MGAT5: variants seen among roughly 807,000 people sequenced by gnomAD.
MGAT5 encodes alpha-1,6-mannosylglycoprotein 6-beta-N-acetylglucosaminyltransferase.
A neutral mutation model predicts 94.3 loss-of-function variants in MGAT5; 30 were observed. The observed-to-expected ratio is 0.32, with a 90% CI of 0.24 to 0.43. The LOEUF (loss-of-function observed/expected upper bound fraction) is 0.43. MGAT5 is among the 20% of genes least tolerant of loss of function. The probability of loss-of-function intolerance (pLI) is 1.00; values close to 1 mark genes in which losing one functional copy is unlikely to be tolerated. For missense variants in MGAT5, 691 were observed against 905.5 expected (o/e 0.76, Z 3.04); for synonymous variants, 310 against 322.9 (o/e 0.96, Z 0.43).
Position 134,371,935 on chromosome 2 carries a change from T to C in MGAT5, c.1380+9527T>C, listed in dbSNP as rs561446546. 3.6e-5 allele frequency among the ~76,000 whole-genome samples: 5 copies of C among 138,170 alleles called. No individual in the cohort carries two copies. In the South Asian group the frequency reaches 1.1e-3, roughly 30 times the overall value. 90.6% of individuals were successfully genotyped at this position (138,170 alleles called of 152,430 possible). ...GAACCTAGGTCTGTGTTTGTTGTTT[T>C]GTTTTGTTTAAAAAAAAAAAAAAAA... On this transcript the variant is annotated intron_variant, in intron 10 of 15. Coordinates refer to ENST00000281923, the MANE Select transcript of MGAT5 (RefSeq NM_002410.5).
intron 2 of MGAT5, among the ~76,000 whole-genome samples, chr2:134,272,122 A>C (rs1684064688): frequency 6.6e-6 from 1 of 152,184 alleles, no homozygotes; most frequent in Non-Finnish European, 1.5e-5. Context: ...GCTCACAAGG[A>C]CTTTGCTACC....
At chr2:134,299,651 C>T (rs1685898597) in intron 2 of MGAT5, among the ~76,000 whole-genome samples, 1 of 152,062 alleles carries the variant, frequency 6.6e-6, no homozygotes, top group South Asian at 2.1e-4. Context: ...GAGCCCAAAC[C>T]CAGTATCTAA....
At position 134,189,605 on chromosome 2, in the gene MGAT5, T is replaced by TTGTTTTGTTTTGTTTTG. The variant is rs761974546; in HGVS notation, c.-142-64656_-142-64655insGTTTTGTTTTGTTTTGT. Among the ~76,000 whole-genome samples, 399 of 106,626 alleles carry TTGTTTTGTTTTGTTTTG rather than the reference T, an allele frequency of 3.7e-3. 12 individuals carry two copies. The highest frequency in any genetic ancestry group is 8.7e-3 in the Middle Eastern group (2 of 230). 70.0% of individuals were successfully genotyped at this position (106,626 alleles called of 152,430 possible). ...CTCATGGCTCTAGTTTTTTTTTGTT[T>TTGTTTTGTTTTGTTTTG]TTTTTTTTTTTTTTTAAGACAGAGT... On this transcript the variant is annotated intron_variant, in intron 1 of 16. Transcript: ENST00000409645.
At chr2:134,220,571 A>G (rs1680711497) in intron 1 of MGAT5, among the ~76,000 whole-genome samples, 2 of 152,182 alleles carry the variant, frequency 1.3e-5, no homozygotes, top group African/African-American at 4.8e-5. Context: ...TGCCCCATCT[A>G]CATTTGGTCT....
chr2:134,453,106 T>G lies in MGAT5; in HGVS notation c.*4259T>G, dbSNP rs1686188202. ...CCCTAGTAAATGTTAAATATTGTTA[T>G]TAGTGTTTCGTAAAACTTGAGAAAT... On this transcript the variant is annotated 3_prime_UTR_variant, in exon 16 of 16. Transcript: ENST00000281923. 6.6e-6 allele frequency: 1 copy of G among 152,262 alleles called. No individual in the cohort carries two copies. Among genetic ancestry groups the G allele is most frequent in the Non-Finnish European group, 1.5e-5 (1 of 68,040 alleles). The allele number at this position is 152,262 out of a possible 1,614,324, so 9.4% of individuals were successfully genotyped here.
chr2:134,312,249 A>T (rs1181206134), intron 2 of MGAT5, among the ~76,000 whole-genome samples: 1 of 152,088 alleles, frequency 6.6e-6, no homozygotes, highest in Non-Finnish European at 1.5e-5. Flanking sequence ...AAAAAACAAA[A>T]CAACAAAAAA....
chr2:134,424,045 G>A (rs542998631), intron 13 of MGAT5, among the ~76,000 whole-genome samples: 3 of 152,296 alleles, frequency 2.0e-5, no homozygotes, highest in East Asian at 1.9e-4. Flanking sequence ...ACATGCAAAC[G>A]CTCCAGGAGC....
At chr2:134,356,350 T>C (rs985396673) in intron 9 of MGAT5, among the ~76,000 whole-genome samples, 5 of 152,152 alleles carry the variant, frequency 3.3e-5, no homozygotes, top group African/African-American at 1.2e-4. Context: ...TCCCAAATCC[T>C]TGTAAGGTGC....
chr2:134,254,689 C>T (rs1269572020), intron 1 of MGAT5, 45 bp downstream of exon 1: 1 of 1,606,086 alleles, frequency 6.2e-7, no homozygotes, highest in East Asian at 2.2e-5. Flanking sequence ...GTGCCTTGGC[C>T]TTGAAATGGC....
intron 2 of MGAT5, among the ~76,000 whole-genome samples, chr2:134,271,224 C>G (rs201009831): frequency 7.1e-6 from 1 of 141,448 alleles, no homozygotes; most frequent in African/African-American, 2.8e-5. Flanking sequence ...AGAACCCCCC[C>G]ATCCCCGCAA....
chr2:134,234,989 A>ATT (rs11428271), intron 1 of MGAT5, among the ~76,000 whole-genome samples: 32 of 150,850 alleles, frequency 2.1e-4, no homozygotes, highest in East Asian at 1.2e-3. Context: ...GACCACCAGA[A>ATT]TTTTTTTTTT....
At chr2:134,334,103 CTATATTT>C (rs2105969868) in intron 4 of MGAT5, among the ~76,000 whole-genome samples, 1 of 152,192 alleles carries the variant, frequency 6.6e-6, no homozygotes, top group African/African-American at 2.4e-5. Flanking sequence ...TGGATTGACT[CTATATTT>C]TATATTTTCA....
intron 1 of MGAT5, among the ~76,000 whole-genome samples, chr2:134,235,999 A>G (rs561124534): frequency 2.0e-5 from 3 of 152,318 alleles, no homozygotes; most frequent in African/African-American, 7.2e-5. Context: ...TGAAGTAGTG[A>G]AAACATCCAA....
Position 134,419,855 on chromosome 2 carries a change from C to T in MGAT5, c.1678-2948C>T, listed in dbSNP as rs1048792531. On this transcript the variant is annotated intron_variant, in intron 12 of 15. Coordinates refer to ENST00000281923, the MANE Select transcript of MGAT5 (RefSeq NM_002410.5). ...AGGGAGACTGCTGACATGTAAATTA[C>T]TAAATAGTGACATTGATGGCAACTT... Among the ~76,000 whole-genome samples, 55 of 152,262 alleles carry T rather than the reference C, an allele frequency of 3.6e-4. 1 individual carries two copies. Among genetic ancestry groups the T allele is most frequent in the African/African-American group, 1.2e-3 (50 of 41,550 alleles).
chr2:134,225,723 G>A (rs575541461), intron 1 of MGAT5, among the ~76,000 whole-genome samples: 2 of 152,250 alleles, frequency 1.3e-5, no homozygotes, highest in East Asian at 3.9e-4. Flanking sequence ...GTAAGACACT[G>A]CTTCTACATT....
chr2:134,288,476 C>T (rs1406930460), intron 2 of MGAT5, among the ~76,000 whole-genome samples: 9 of 150,288 alleles, frequency 6.0e-5, no homozygotes, highest in East Asian at 3.9e-4. Context: ...ACAGAGACTA[C>T]GTGGACAGCA....
intron 4 of MGAT5, among the ~76,000 whole-genome samples, chr2:134,319,336 T>C (rs765138659): frequency 6.6e-5 from 10 of 152,300 alleles, no homozygotes; most frequent in Non-Finnish European, 1.3e-4. Context: ...TCTGGTTTTG[T>C]TTTTTGAATA....
intron 12 of MGAT5, 81 bp downstream of exon 12, chr2:134,413,096 C>A (rs1574047586): frequency 8.9e-5 from 125 of 1,406,368 alleles, no homozygotes; most frequent in East Asian, 2.2e-4. Context: ...GTATTAACTT[C>A]ATCTAACATG....
At chr2:134,407,860 A>G (rs566509210) in intron 11 of MGAT5, among the ~76,000 whole-genome samples, 49 of 152,308 alleles carry the variant, frequency 3.2e-4, no homozygotes, top group African/African-American at 1.1e-3. Flanking sequence ...AAATCAATGT[A>G]GTGAATTGGG....
Sources: gnomAD v4.1 joint callset for allele counts (sites outside exome capture counted in the v4.1 genomes callset) on GRCh38, gnomAD v4.1.1 for gene constraint, MANE v1.5 for transcripts, NCBI Gene and HGNC (gene_info 2026-07-23, HGNC 2026-07-21) for gene names.